Variants in STAG1 observed in about 807,000 individuals in gnomAD.
The protein encoded by STAG1 is STAG1 cohesin complex component.
Under a neutral mutation model 170.9 loss-of-function variants are expected in STAG1, and 26 were observed. The observed-to-expected ratio is 0.15, with a 90% CI of 0.11 to 0.21. STAG1 has a LOEUF of 0.21. Ranked by LOEUF, STAG1 falls within the 10% of genes least tolerant of loss-of-function variation. The probability of loss-of-function intolerance (pLI) is 1.00; values close to 1 mark genes in which losing one functional copy is unlikely to be tolerated. For synonymous variants in STAG1, 514 were observed against 497.7 expected, an observed-to-expected ratio of 1.03 and a Z score of -0.44; for missense variants, 964 against 1,509.5, an observed-to-expected ratio of 0.64 and a Z score of 5.99.
chr3:136,371,859 G>A (rs1937356470), intron 23 of STAG1, among the ~76,000 whole-genome samples: 1 of 152,150 alleles, frequency 6.6e-6, no homozygotes, highest in Non-Finnish European at 1.5e-5. Flanking sequence ...GGTTCCATGT[G>A]AACTTTAAAG....
chr3:136,472,695 C>T (rs2089656153), intron 11 of STAG1, among the ~76,000 whole-genome samples: 1 of 152,176 alleles, frequency 6.6e-6, no homozygotes. Context: ...TCTTTCTCAA[C>T]AATTGCTGTT....
At chr3:136,524,159 G>A (rs1277279071) in intron 6 of STAG1, among the ~76,000 whole-genome samples, 2 of 152,112 alleles carry the variant, frequency 1.3e-5, no homozygotes, top group Non-Finnish European at 2.9e-5. Flanking sequence ...GATGGGGATG[G>A]CATTCAATCT....
At chr3:136,589,137 T>A (rs1938010439) in intron 4 of STAG1, among the ~76,000 whole-genome samples, 1 of 152,072 alleles carries the variant, frequency 6.6e-6, no homozygotes, top group Non-Finnish European at 1.5e-5. Context: ...GTGATCCGCC[T>A]GTCTTGGCCT....
intron 13 of STAG1, among the ~76,000 whole-genome samples, chr3:136,458,489 T>G (rs1283217272): frequency 6.6e-6 from 1 of 152,148 alleles, no homozygotes; most frequent in Non-Finnish European, 1.5e-5. Flanking sequence ...AAGATATTTT[T>G]TACAAGCCTC....
Position 136,723,426 on chromosome 3 carries a change from G to A in STAG1, c.-84+28769C>T, listed in dbSNP as rs868439323. On this transcript the variant is annotated intron_variant, in intron 1 of 33. Coordinates refer to ENST00000383202, the MANE Select transcript of STAG1 (RefSeq NM_005862.3). ...AGGAGCGTCTCTGCCCAGCCGCCCC[G>A]TCTGAGAAGTGAGGAGACCCTCTGC... Among the ~76,000 whole-genome samples the A allele has an allele frequency of 3.0e-4, 44 of 149,108 alleles. 1 individual carries two copies. The highest frequency in any genetic ancestry group is 3.3e-4 in the Non-Finnish European group (22 of 67,426).
At chr3:136,661,332 A>G in intron 1 of STAG1, among the ~76,000 whole-genome samples, 1 of 152,190 alleles carries the variant, frequency 6.6e-6, no homozygotes, top group East Asian at 1.9e-4. Flanking sequence ...GAACATTCCT[A>G]ACCCAAAAAT....
intron 15 of STAG1, among the ~76,000 whole-genome samples, chr3:136,434,684 T>G (rs937608312): frequency 2.6e-5 from 4 of 152,222 alleles, no homozygotes; most frequent in African/African-American, 4.8e-5. Flanking sequence ...TGTCTCCTTT[T>G]GTTTTATGGC....
At chr3:136,380,740 C>G (rs982463002) in intron 22 of STAG1, among the ~76,000 whole-genome samples, 1 of 151,858 alleles carries the variant, frequency 6.6e-6, no homozygotes, top group African/African-American at 2.4e-5. Flanking sequence ...CAGGAACAGG[C>G]CAGGCATGAT....
intron 21 of STAG1, among the ~76,000 whole-genome samples, chr3:136,414,707 G>C (rs1262154375): frequency 6.6e-6 from 1 of 152,100 alleles, no homozygotes; most frequent in Non-Finnish European, 1.5e-5. Flanking sequence ...TGCATCAACA[G>C]AGTCACTTTC....
chr3:136,457,244 C>A lies in STAG1; in HGVS notation c.1314-5097G>T, dbSNP rs552839936. Among the ~76,000 whole-genome samples, 14 of 152,210 alleles carry A rather than the reference C, an allele frequency of 9.2e-5. No homozygotes were observed. The East Asian group carries it at 2.7e-3, about 29-fold the overall frequency. On this transcript the variant is annotated intron_variant, in intron 13 of 33. Transcript: ENST00000383202. ...CTCGTAGCTTGGATGGAATCCAAGG[C>A]TCAGAGCATAAAACCCCTCGTGGCC... is the stretch of plus-strand genomic sequence containing the variant.
At chr3:136,735,592 C>G (rs1934287284) in intron 1 of STAG1, among the ~76,000 whole-genome samples, 1 of 152,062 alleles carries the variant, frequency 6.6e-6, no homozygotes, top group South Asian at 2.1e-4. Context: ...CATACACCAC[C>G]ACACCCAGCT....
chr3:136,518,786 T>C (rs1321529607), intron 7 of STAG1, among the ~76,000 whole-genome samples: 1 of 152,126 alleles, frequency 6.6e-6, no homozygotes, highest in Non-Finnish European at 1.5e-5. Flanking sequence ...ATTTCGAATT[T>C]AAATAGGCTA....
chr3:136,515,709 A>C (rs1298975455), intron 7 of STAG1, among the ~76,000 whole-genome samples: 1 of 152,230 alleles, frequency 6.6e-6, no homozygotes, highest in African/African-American at 2.4e-5. Context: ...AATAATACTA[A>C]GAAAAAAGTT....
At chr3:136,751,659 G>A (rs965529511) in intron 1 of STAG1, among the ~76,000 whole-genome samples, 1 of 152,042 alleles carries the variant, frequency 6.6e-6, no homozygotes, top group East Asian at 1.9e-4. Flanking sequence ...CGACCCCCCA[G>A]GCCCCTCCGC....
intron 9 of STAG1, among the ~76,000 whole-genome samples, chr3:136,477,795 T>A (rs188834939): frequency 0.012 from 1,800 of 152,288 alleles, 13 homozygotes; most frequent in East Asian, 0.02. Context: ...AATCTTTTTT[T>A]AAAAAATTAT....
intron 4 of STAG1, among the ~76,000 whole-genome samples, chr3:136,578,807 C>G (rs1381339089): frequency 6.6e-6 from 1 of 152,102 alleles, no homozygotes; most frequent in African/African-American, 2.4e-5. Flanking sequence ...ACTGACCCAC[C>G]CTGTGGTTAT....
intron 5 of STAG1, among the ~76,000 whole-genome samples, chr3:136,551,082 G>A (rs148856412): frequency 2.0e-5 from 3 of 151,786 alleles, no homozygotes; most frequent in South Asian, 4.2e-4. Context: ...AAGTCACTAT[G>A]CACAGCCCAC....
chr3:136,470,690 T>G (rs2089603430), intron 12 of STAG1, among the ~76,000 whole-genome samples: 1 of 152,160 alleles, frequency 6.6e-6, no homozygotes, highest in Admixed American at 6.5e-5. Flanking sequence ...CATACATATG[T>G]TTATTGCGGC....
intron 1 of STAG1, among the ~76,000 whole-genome samples, chr3:136,676,873 T>C (rs930914381): frequency 2.4e-4 from 37 of 152,292 alleles, no homozygotes; most frequent in African/African-American, 6.3e-4. Context: ...TTTTTCTTTT[T>C]TAAACTGTGC....
Sources: allele counts gnomAD v4.1 joint callset (sites outside exome capture counted in the v4.1 genomes callset), GRCh38; gene constraint gnomAD v4.1.1; transcripts MANE v1.5; gene names NCBI Gene and HGNC (gene_info 2026-07-23, HGNC 2026-07-21).